Variants in RYR3 observed in about 807,000 individuals in gnomAD.
RYR3 encodes ryanodine receptor 3.
Under a neutral mutation model 584.3 loss-of-function variants are expected in RYR3, and 207 were observed. That is an observed-to-expected ratio of 0.35 (90% CI 0.32 to 0.40). The LOEUF is 0.40. RYR3 is among the 10% of genes least tolerant of loss of function. The pLI, the probability that RYR3 is intolerant of heterozygous loss-of-function variation, is 1.00. For missense variants in RYR3, 5,616 were observed against 6,089.2 expected (o/e 0.92, Z 2.59); for synonymous variants, 2,416 against 2,248.5 (o/e 1.07, Z -2.11).
At chr15:33,752,317 G>A (rs1451581604) in intron 57 of RYR3, among the ~76,000 whole-genome samples, 1 of 152,092 alleles carries the variant, frequency 6.6e-6, no homozygotes, top group African/African-American at 2.4e-5. Flanking sequence ...AAATGACTTT[G>A]GGCAGTATGG....
intron 18 of RYR3, among the ~76,000 whole-genome samples, chr15:33,605,968 G>A (rs2059884013): frequency 6.6e-6 from 1 of 152,182 alleles, no homozygotes; most frequent in South Asian, 2.1e-4. Context: ...AGTTATTTGT[G>A]TGCATAAATT....
chr15:33,448,239 C>T (rs1332935439), intron 1 of RYR3, among the ~76,000 whole-genome samples: 3 of 152,184 alleles, frequency 2.0e-5, no homozygotes, highest in African/African-American at 4.8e-5. Context: ...CAGCTGCTGG[C>T]CTCGAGAATA....
intron 45 of RYR3, among the ~76,000 whole-genome samples, chr15:33,726,092 C>T (rs2068432378): frequency 6.6e-6 from 1 of 151,934 alleles, no homozygotes; most frequent in African/African-American, 2.4e-5. Context: ...GAGAAGCCAC[C>T]AGCAGGCCGT....
intron 12 of RYR3, among the ~76,000 whole-genome samples, chr15:33,568,475 G>GTTT (rs564366948): frequency 1.1e-4 from 17 of 148,248 alleles, no homozygotes; most frequent in African/African-American, 4.2e-4. Context: ...TTTATTTTTT[G>GTTT]TTTTTTTTTT....
chr15:33,438,056 A>G (rs2045887713), intron 1 of RYR3, among the ~76,000 whole-genome samples: 4 of 152,158 alleles, frequency 2.6e-5, no homozygotes, highest in Admixed American at 2.6e-4. Flanking sequence ...TCTCCTCTTC[A>G]GAGATAACCT....
intron 1 of RYR3, among the ~76,000 whole-genome samples, chr15:33,322,266 G>A (rs1275196397): frequency 6.6e-6 from 1 of 152,238 alleles, no homozygotes; most frequent in Admixed American, 6.5e-5. Context: ...ACTGGCATCT[G>A]CTCGGCTTCT....
intron 24 of RYR3, among the ~76,000 whole-genome samples, chr15:33,633,895 T>G (rs2061379682): frequency 6.6e-6 from 1 of 152,194 alleles, no homozygotes; most frequent in Non-Finnish European, 1.5e-5. Context: ...TAAGCTGTCA[T>G]GAGGAGGCTA....
At chr15:33,501,586 G>A (rs1043049628) in intron 2 of RYR3, among the ~76,000 whole-genome samples, 1 of 152,138 alleles carries the variant, frequency 6.6e-6, no homozygotes, top group African/African-American at 2.4e-5. Context: ...GAAGAAACAA[G>A]CAAACTATGG....
At chr15:33,823,123 A>G (rs2077196722) in intron 81 of RYR3, 51 bp downstream of exon 81, 1 of 1,511,350 alleles carries the variant, frequency 6.6e-7, no homozygotes, top group Non-Finnish European at 9.1e-7. Flanking sequence ...CCCTCTAAGC[A>G]TAGGAGGCAG....
chr15:33,769,661 A>C (rs1255462196), intron 62 of RYR3, among the ~76,000 whole-genome samples: 2 of 152,258 alleles, frequency 1.3e-5, no homozygotes, highest in Admixed American at 6.5e-5. Flanking sequence ...GAGACTGAAA[A>C]GAGAGACGCA....
At chr15:33,492,236 G>A (rs1056376006) in intron 2 of RYR3, among the ~76,000 whole-genome samples, 11 of 152,004 alleles carry the variant, frequency 7.2e-5, no homozygotes, top group African/African-American at 2.7e-4. Flanking sequence ...TAGTGGTGGT[G>A]GTTCAGCTCA....
chr15:33,860,001 G>A (rs77652266), intron 100 of RYR3, among the ~76,000 whole-genome samples: 4,944 of 152,142 alleles, frequency 0.032, 162 homozygotes, highest in Non-Finnish European at 0.039. Context: ...CCTCACTTCT[G>A]CTTCTGAGAT....
intron 102 of RYR3, among the ~76,000 whole-genome samples, chr15:33,863,151 G>A (rs1472962898): frequency 6.6e-6 from 1 of 152,096 alleles, no homozygotes; most frequent in African/African-American, 2.4e-5. Context: ...ATCCCCTCTA[G>A]GAGCAAGCTT....
chr15:33,817,255 C>T (rs1472304365), intron 75 of RYR3, among the ~76,000 whole-genome samples: 4 of 152,320 alleles, frequency 2.6e-5, no homozygotes, highest in Admixed American at 6.5e-5. Context: ...AAGTTTTGAG[C>T]ACCACTGGTT....
chr15:33,702,048 A>C (rs1426231168), intron 42 of RYR3, among the ~76,000 whole-genome samples: 1 of 152,152 alleles, frequency 6.6e-6, no homozygotes, highest in Non-Finnish European at 1.5e-5. Context: ...AAATGAACTC[A>C]CGTGACCCTC....
At chr15:33,613,787 C>A (rs1216979469) in intron 19 of RYR3, among the ~76,000 whole-genome samples, 1 of 152,166 alleles carries the variant, frequency 6.6e-6, no homozygotes. Flanking sequence ...AAATATACAT[C>A]ATTTTTTAAT....
chr15:33,486,491 T>C (rs1352046543), intron 2 of RYR3, among the ~76,000 whole-genome samples: 1 of 152,202 alleles, frequency 6.6e-6, no homozygotes, highest in African/African-American at 2.4e-5. Flanking sequence ...TGATTATATC[T>C]GATAAGGTCA....
At chr15:33,854,577 C>A in intron 97 of RYR3, 128 bp downstream of exon 97, 2 of 1,049,196 alleles carry the variant, frequency 1.9e-6, no homozygotes, top group Non-Finnish European at 2.8e-6. Context: ...CTTATACGTG[C>A]TGGGGGAACA....
chr15:33,399,073 A>C (rs1369447598), intron 1 of RYR3, among the ~76,000 whole-genome samples: 1 of 152,208 alleles, frequency 6.6e-6, no homozygotes, highest in Non-Finnish European at 1.5e-5. Context: ...TCCTAATAGC[A>C]GAGACACCAT....
Sources: allele counts gnomAD v4.1 joint callset (sites outside exome capture counted in the v4.1 genomes callset), GRCh38; gene constraint gnomAD v4.1.1; transcripts MANE v1.5; gene names NCBI Gene and HGNC (gene_info 2026-07-23, HGNC 2026-07-21).